ARHGAP15: variants seen among roughly 807,000 people sequenced by gnomAD.
ARHGAP15 encodes the protein rho GTPase-activating protein 15.
ARHGAP15 carries 51 observed loss-of-function variants against 63.7 expected under a neutral mutation model. That is an observed-to-expected ratio of 0.80 (90% CI 0.64 to 1.01). ARHGAP15 has a LOEUF of 1.01. Among genes scored for constraint, ARHGAP15 ranks in the 50% least tolerant of loss-of-function variants. ARHGAP15 has a pLI of 0.00. For synonymous variants in ARHGAP15, 191 were observed against 193.8 expected, an observed-to-expected ratio of 0.99 and a Z score of 0.12; for missense variants, 560 against 564.6, an observed-to-expected ratio of 0.99 and a Z score of 0.08.
intron 4 of ARHGAP15, among the ~76,000 whole-genome samples, chr2:143,217,225 A>G (rs1692791216): frequency 6.6e-6 from 1 of 152,200 alleles, no homozygotes; most frequent in Admixed American, 6.5e-5. Flanking sequence ...GACACATGTT[A>G]GTTGTATAAT....
intron 8 of ARHGAP15, among the ~76,000 whole-genome samples, chr2:143,482,549 G>A (rs922569389): frequency 6.6e-6 from 1 of 152,162 alleles, no homozygotes; most frequent in East Asian, 1.9e-4. Context: ...ACTATGTCCC[G>A]ATTATCACAG....
At chr2:143,503,495 C>A (rs975757437) in intron 9 of ARHGAP15, among the ~76,000 whole-genome samples, 1 of 152,200 alleles carries the variant, frequency 6.6e-6, no homozygotes, top group Non-Finnish European at 1.5e-5. Flanking sequence ...TCTTCACACT[C>A]TCCAGCTAAT....
intron 2 of ARHGAP15, among the ~76,000 whole-genome samples, chr2:143,170,803 C>T (rs1050996212): frequency 4.6e-5 from 7 of 152,066 alleles, no homozygotes; most frequent in African/African-American, 1.7e-4. Flanking sequence ...TTTCTTTCTG[C>T]TTTATTTTAA....
chr2:143,204,795 C>A (rs1016362967), intron 3 of ARHGAP15, among the ~76,000 whole-genome samples: 1 of 152,058 alleles, frequency 6.6e-6, no homozygotes, highest in Non-Finnish European at 1.5e-5. Context: ...TCTTCCTCTG[C>A]CCGGCCATCC....
chr2:143,699,344 AG>A (rs1256693953), intron 12 of ARHGAP15, among the ~76,000 whole-genome samples: 1 of 152,164 alleles, frequency 6.6e-6, no homozygotes, highest in Non-Finnish European at 1.5e-5. Flanking sequence ...TTAATATTTC[AG>A]CTCTCTCTAA....
chr2:143,223,059 C>G (rs556096265), intron 4 of ARHGAP15, among the ~76,000 whole-genome samples: 2 of 152,296 alleles, frequency 1.3e-5, no homozygotes, highest in African/African-American at 4.8e-5. Flanking sequence ...TCACTGCAGC[C>G]TCTGCCTCTC....
At chr2:143,269,439 CAG>C (rs1681161329) in intron 6 of ARHGAP15, among the ~76,000 whole-genome samples, 3 of 152,276 alleles carry the variant, frequency 2.0e-5, no homozygotes, top group Admixed American at 2.0e-4. Context: ...TTTTTTATAA[CAG>C]TACTCCTTTT....
intron 9 of ARHGAP15, among the ~76,000 whole-genome samples, chr2:143,509,575 G>A (rs1467060052): frequency 6.6e-6 from 1 of 152,138 alleles, no homozygotes; most frequent in Non-Finnish European, 1.5e-5. Context: ...AAAAACATAG[G>A]CCATTCCATA....
At chr2:143,196,859 C>T (rs1691902969) in intron 2 of ARHGAP15, among the ~76,000 whole-genome samples, 1 of 151,854 alleles carries the variant, frequency 6.6e-6, no homozygotes, top group Admixed American at 6.6e-5. Flanking sequence ...ATTAAAGCTT[C>T]TCAGAAGCTT....
At chr2:143,448,815 T>A (rs1033381781) in intron 8 of ARHGAP15, among the ~76,000 whole-genome samples, 1 of 151,882 alleles carries the variant, frequency 6.6e-6, no homozygotes, top group African/African-American at 2.4e-5. Flanking sequence ...CTGAACTGAA[T>A]CTGCATTTTA....
chr2:143,356,974 C>A (rs1055434599), intron 6 of ARHGAP15, among the ~76,000 whole-genome samples: 5 of 152,154 alleles, frequency 3.3e-5, no homozygotes, highest in African/African-American at 1.2e-4. Context: ...TATATCAATT[C>A]GTTTAGTTTT....
chr2:143,473,980 A>G (rs551355054), intron 8 of ARHGAP15, among the ~76,000 whole-genome samples: 12 of 152,302 alleles, frequency 7.9e-5, no homozygotes, highest in South Asian at 2.1e-4. Context: ...AGCCCGTTCA[A>G]TAGTCCAAAA....
chr2:143,307,792 T>C (rs1438573303), intron 6 of ARHGAP15, among the ~76,000 whole-genome samples: 1 of 152,102 alleles, frequency 6.6e-6, no homozygotes, highest in Non-Finnish European at 1.5e-5. Context: ...TAAAATAAAT[T>C]ACATAATTTG....
chr2:143,485,851 A>T (rs1290231815), intron 8 of ARHGAP15, among the ~76,000 whole-genome samples: 1 of 152,210 alleles, frequency 6.6e-6, no homozygotes, highest in Non-Finnish European at 1.5e-5. Flanking sequence ...AGGTAGCAAG[A>T]ATTGTCTCAA....
chr2:143,167,010 A>G (rs796967605), intron 2 of ARHGAP15, among the ~76,000 whole-genome samples: 9 of 152,204 alleles, frequency 5.9e-5, no homozygotes, highest in African/African-American at 2.2e-4. Context: ...AATAATTTTT[A>G]TGAATACGAA....
chr2:143,287,909 C>A (rs544132306), intron 6 of ARHGAP15, among the ~76,000 whole-genome samples: 2 of 152,288 alleles, frequency 1.3e-5, no homozygotes, highest in Admixed American at 6.5e-5. Context: ...CTATGCCTTT[C>A]AGGTGAAGGA....
At position 143,133,635 on chromosome 2, in the gene ARHGAP15, CT is replaced by C. The variant is rs535481865; in HGVS notation, c.-15+4173del. Reference sequence around the variant, plus strand: ...ATCTTTTTTTTCATTTGATGAAGGCCTTTTGTTTGTTTTGTTTGCTTTTAAT... The same window carrying C: ...ATCTTTTTTTTCATTTGATGAAGGCCTTTGTTTGTTTTGTTTGCTTTTAAT... On this transcript the variant is annotated intron_variant, in intron 1 of 13. Coordinates refer to ENST00000295095, the MANE Select transcript of ARHGAP15 (RefSeq NM_018460.4). Among the ~76,000 whole-genome samples, 456 of 152,060 alleles carry C rather than the reference CT, an allele frequency of 3.0e-3. 1 individual carries two copies. The highest frequency in any genetic ancestry group is 5.4e-3 in the Non-Finnish European group (364 of 67,980).
chr2:143,544,975 T>C (rs1260706318), intron 10 of ARHGAP15, among the ~76,000 whole-genome samples: 1 of 152,204 alleles, frequency 6.6e-6, no homozygotes, highest in Non-Finnish European at 1.5e-5. Context: ...ACTGTCATGG[T>C]TAGGAGCACC....
chr2:143,273,674 ATATTT>A (rs1415088313), intron 6 of ARHGAP15, among the ~76,000 whole-genome samples: 3 of 152,134 alleles, frequency 2.0e-5, no homozygotes, highest in Non-Finnish European at 4.4e-5. Context: ...GTGTGGGCTA[ATATTT>A]TATTTGTACA....
Sources: allele counts gnomAD v4.1 joint callset (sites outside exome capture counted in the v4.1 genomes callset), GRCh38; gene constraint gnomAD v4.1.1; transcripts MANE v1.5; gene names NCBI Gene and HGNC (gene_info 2026-07-23, HGNC 2026-07-21).